The following RAI1 variants were observed in gnomAD, a reference collection of about 807,000 sequenced individuals.
RAI1 encodes retinoic acid-induced protein 1.
In RAI1, 9 loss-of-function variants were observed where a neutral mutation model predicts 123.8. The ratio of observed to expected loss-of-function variants is 0.07; its 90% CI spans 0.04 to 0.13. RAI1 has a LOEUF of 0.13. Ranked by LOEUF, RAI1 falls within the 10% of genes least tolerant of loss-of-function variation. The pLI, the probability that RAI1 is intolerant of heterozygous loss-of-function variation, is 1.00. For synonymous variants in RAI1, 1,231 were observed against 1,127.3 expected (o/e 1.09, Z -1.84); for missense variants, 2,256 against 2,545.8 (o/e 0.89, Z 2.45).
At chr17:17,692,363 T>C (rs1914869208) in intron 1 of RAI1, among the ~76,000 whole-genome samples, 1 of 152,198 alleles carries the variant, frequency 6.6e-6, no homozygotes, top group Non-Finnish European at 1.5e-5. Flanking sequence ...TCTCTTTGGA[T>C]GCTGAAAGGG....
intron 2 of RAI1, among the ~76,000 whole-genome samples, chr17:17,790,811 G>A (rs1211696361): frequency 6.6e-6 from 1 of 152,156 alleles, no homozygotes; most frequent in African/African-American, 2.4e-5. Context: ...GCAGGGAGCG[G>A]GCGCTGTGCC....
intron 1 of RAI1, among the ~76,000 whole-genome samples, chr17:17,717,320 C>T (rs1457961160): frequency 6.6e-6 from 1 of 152,152 alleles, no homozygotes; most frequent in East Asian, 1.9e-4. Context: ...GTCCTGCTAC[C>T]AAGCAGGCCT....
chr17:17,785,606 G>C (rs2031800100), intron 2 of RAI1, among the ~76,000 whole-genome samples: 1 of 152,178 alleles, frequency 6.6e-6, no homozygotes, highest in South Asian at 2.1e-4. Flanking sequence ...TGTCTGGTGT[G>C]GAATGCCACA....
intron 1 of RAI1, among the ~76,000 whole-genome samples, chr17:17,703,459 G>C (rs1014924147): frequency 6.6e-6 from 1 of 152,160 alleles, no homozygotes; most frequent in Non-Finnish European, 1.5e-5. Context: ...TTCTTGTAGC[G>C]TCGGGAGCAG....
intron 2 of RAI1, among the ~76,000 whole-genome samples, chr17:17,775,415 G>A (rs1038175276): frequency 6.6e-6 from 1 of 151,874 alleles, no homozygotes; most frequent in Non-Finnish European, 1.5e-5. Flanking sequence ...TGTCACCCAG[G>A]CTAGTCACAA....
intron 3 of RAI1, among the ~76,000 whole-genome samples, chr17:17,802,646 G>C (rs1187806979): frequency 6.6e-6 from 1 of 152,066 alleles, no homozygotes; most frequent in South Asian, 2.1e-4. Flanking sequence ...CGTGGTGGCG[G>C]GCACCTGTAG....
At chr17:17,701,596 T>A (rs976570342) in intron 1 of RAI1, among the ~76,000 whole-genome samples, 3 of 152,226 alleles carry the variant, frequency 2.0e-5, no homozygotes, top group Middle Eastern at 3.4e-3. Flanking sequence ...ACCCAGCCCC[T>A]CTTTTTTCTT....
intron 2 of RAI1, among the ~76,000 whole-genome samples, chr17:17,737,731 G>A (rs1916481566): frequency 6.6e-6 from 1 of 152,130 alleles, no homozygotes; most frequent in South Asian, 2.1e-4. Flanking sequence ...GGGCTACAAG[G>A]CTGAACATGG....
At chr17:17,737,352 A>G (rs1366904744) in intron 2 of RAI1, among the ~76,000 whole-genome samples, 2 of 152,124 alleles carry the variant, frequency 1.3e-5, no homozygotes, top group Non-Finnish European at 2.9e-5. Flanking sequence ...GGTCTTGCCC[A>G]GACTCACTCC....
chr17:17,721,756 G>A (rs1915889673), intron 1 of RAI1, among the ~76,000 whole-genome samples: 1 of 152,192 alleles, frequency 6.6e-6, no homozygotes, highest in Admixed American at 6.5e-5. Flanking sequence ...AGTGACCCTG[G>A]TCCCCAAGAC....
intron 2 of RAI1, among the ~76,000 whole-genome samples, chr17:17,761,654 G>A (rs942361992): frequency 2.0e-5 from 3 of 152,124 alleles, no homozygotes; most frequent in Non-Finnish European, 4.4e-5. Flanking sequence ...GAAAGGTTGG[G>A]AGGCACAAAA....
At chr17:17,789,673 G>A (rs1189966467) in intron 2 of RAI1, among the ~76,000 whole-genome samples, 8 of 152,168 alleles carry the variant, frequency 5.3e-5, no homozygotes, top group Non-Finnish European at 1.0e-4. Context: ...TAAGTTCCAG[G>A]ATCTGATTCT....
intron 2 of RAI1, among the ~76,000 whole-genome samples, chr17:17,783,052 G>A (rs1216978962): frequency 2.3e-5 from 3 of 131,922 alleles, no homozygotes; most frequent in Non-Finnish European, 4.8e-5. Flanking sequence ...GGAGAATCAG[G>A]GAGATGAATG....
chr17:17,803,924 C>G (rs892350973), intron 4 of RAI1, 75 bp downstream of exon 4: 4 of 1,377,448 alleles, frequency 2.9e-6, no homozygotes, highest in Admixed American at 3.4e-5. Context: ...CTGGGCACAG[C>G]TCCCCAAACC....
chr17:17,686,634 G>T (rs1362528456), intron 1 of RAI1, among the ~76,000 whole-genome samples: 1 of 150,618 alleles, frequency 6.6e-6, no homozygotes, highest in South Asian at 2.1e-4. Flanking sequence ...GGAGGGGAGA[G>T]ATGGGGAAGA....
chr17:17,794,126 T>C lies in RAI1; in HGVS notation c.1178T>C (p.Met393Thr). 1 of 1,614,092 alleles carries C rather than the reference T, an allele frequency of 6.2e-7. No homozygotes were observed. Among genetic ancestry groups the C allele is most frequent in the Non-Finnish European group, 8.5e-7 (1 of 1,180,036 alleles). Residue 393 changes from methionine (M) to threonine (T), a missense_variant, in exon 3 of 6, where the codon ATG becomes ACG. By Grantham distance (81) the Met-to-Thr change is moderately conservative. Transcript: ENST00000353383. ...PAGITDHSHF[M>T]PLLNPSPTDA... ...GGGATCACTGACCACAGCCACTTCA[T>C]GCCCCTGCTCAATCCCTCCCCAACG...
rs146112263 is a variant in RAI1, at chr17:17,798,147, G to T, written c.5199G>T (p.Ser1733=). The T allele has an allele frequency of 1.9e-6, 3 of 1,613,516 alleles. No individual in the cohort carries two copies. The highest frequency in any genetic ancestry group is 2.5e-6 in the Non-Finnish European group (3 of 1,180,044). The change falls in exon 3 of 6, where the codon TCG becomes TCT. Residue 1733 remains serine (S), a synonymous_variant. Coordinates refer to ENST00000353383, the MANE Select transcript of RAI1 (RefSeq NM_030665.4). ...CAGAAGGCACCTGTGAGGAGGCCTCGCTGCCGCTTGAGAGAACACTCAAAG... is the reference window on the plus strand; with the variant it reads ...CAGAAGGCACCTGTGAGGAGGCCTCTCTGCCGCTTGAGAGAACACTCAAAG... ...VRPEGTCEEA[S]LPLERTLKGP... is the part of the protein sequence containing the mutation.
At chr17:17,729,658 C>T in intron 2 of RAI1, among the ~76,000 whole-genome samples, 1 of 152,234 alleles carries the variant, frequency 6.6e-6, no homozygotes, top group Admixed American at 6.5e-5. Context: ...GTTCAAGTGC[C>T]TGGCAGCCCT....
chr17:17,759,944 G>T (rs903466777), intron 2 of RAI1, among the ~76,000 whole-genome samples: 1 of 152,202 alleles, frequency 6.6e-6, no homozygotes, highest in African/African-American at 2.4e-5. Context: ...CTGGATGCTT[G>T]GGGTAATAGA....
Sources: gnomAD v4.1 joint callset for allele counts (sites outside exome capture counted in the v4.1 genomes callset) on GRCh38, gnomAD v4.1.1 for gene constraint, MANE v1.5 for transcripts, NCBI Gene and HGNC (gene_info 2026-07-23, HGNC 2026-07-21) for gene names.